Variants in IQCE observed in about 807,000 individuals in gnomAD.
IQCE encodes the protein IQ domain-containing protein E.
IQCE carries 115 observed loss-of-function variants against 96.0 expected under a neutral mutation model. The observed-to-expected ratio is 1.20, with a 90% confidence interval of 1.03 to 1.40. IQCE has a LOEUF of 1.40. Among genes scored for constraint, IQCE ranks in the 40% most tolerant of loss-of-function variants. The pLI, the probability that IQCE is intolerant of heterozygous loss-of-function variation, is 0.00. For synonymous variants in IQCE, 412 were observed against 371.2 expected, an observed-to-expected ratio of 1.11 and a Z score of -1.26; for missense variants, 1,041 against 909.1, an observed-to-expected ratio of 1.15 and a Z score of -1.87.
At chr7:2,608,975 A>G (rs1455844652) in intron 21 of IQCE, among the ~76,000 whole-genome samples, 1 of 152,226 alleles carries the variant, frequency 6.6e-6, no homozygotes, top group Non-Finnish European at 1.5e-5. Context: ...GGCATGGCCG[A>G]ATTGCCATTT....
intron 8 of IQCE, among the ~76,000 whole-genome samples, chr7:2,579,766 C>T (rs2128446753): frequency 1.4e-5 from 2 of 148,140 alleles, no homozygotes; most frequent in East Asian, 2.0e-4. Flanking sequence ...TTTCTTGAGA[C>T]AGGGACTCAC....
At chr7:2,579,604 C>T (rs754832360) in intron 8 of IQCE, among the ~76,000 whole-genome samples, 55 of 152,124 alleles carry the variant, frequency 3.6e-4, no homozygotes, top group Non-Finnish European at 5.6e-4. Flanking sequence ...AAGCCTAGCT[C>T]GGCACCTAGG....
At chr7:2,604,369 C>G (rs1784642670) in intron 18 of IQCE, among the ~76,000 whole-genome samples, 1 of 152,140 alleles carries the variant, frequency 6.6e-6, no homozygotes, top group Admixed American at 6.6e-5. Flanking sequence ...CCTCAGCCTC[C>G]CAAAGTGCTG....
intron 16 of IQCE, chr7:2,598,150 T>G (rs1784185522): frequency 3.6e-6 from 1 of 275,404 alleles, no homozygotes; most frequent in East Asian, 6.1e-5. Context: ...TGTGACTGAG[T>G]GTAGTGAGTG....
chr7:2,571,868 T>C (rs1562627269), intron 4 of IQCE, among the ~76,000 whole-genome samples: 1 of 152,224 alleles, frequency 6.6e-6, no homozygotes, highest in Non-Finnish European at 1.5e-5. Context: ...TCCCGTGTGG[T>C]CTCTACATGG....
At chr7:2,585,955 C>T (rs181941641) in intron 11 of IQCE, among the ~76,000 whole-genome samples, 1 of 152,328 alleles carries the variant, frequency 6.6e-6, no homozygotes, top group East Asian at 1.9e-4. Flanking sequence ...AAGTATAATA[C>T]TGATGGTTGA....
Position 2,612,766 on chromosome 7 carries a change from G to T in IQCE, c.*2604G>T, listed in dbSNP as rs531085405. 1 of 152,858 alleles carries T rather than the reference G, an allele frequency of 6.5e-6. No homozygotes were observed. Among genetic ancestry groups the T allele is most frequent in the East Asian group, 1.9e-4 (1 of 5,130 alleles). 9.5% of individuals were successfully genotyped at this position (152,858 alleles called of 1,614,324 possible). ...CATGGGAGGGGTGAGCTGTGGATGG[G>T]GCCTAGCCATGGGAGGGGTGAGCTG... On this transcript the variant is annotated 3_prime_UTR_variant, in exon 22 of 22. Coordinates refer to ENST00000402050, the MANE Select transcript of IQCE (RefSeq NM_152558.5).
chr7:2,591,378 C>T (rs1327994088), intron 14 of IQCE, among the ~76,000 whole-genome samples: 2 of 152,202 alleles, frequency 1.3e-5, no homozygotes, highest in Admixed American at 1.3e-4. Context: ...CCCGGCCTGG[C>T]TCCTGTCCTC....
chr7:2,572,151 G>A, intron 4 of IQCE, 41 bp from the exon 5 acceptor site: 1 of 1,581,272 alleles, frequency 6.3e-7, no homozygotes. Flanking sequence ...CATTGTGTGT[G>A]CTTGTATCTG....
At chr7:2,589,666 C>T (rs57246440) in intron 13 of IQCE, among the ~76,000 whole-genome samples, 73 of 152,256 alleles carry the variant, frequency 4.8e-4, no homozygotes, top group African/African-American at 1.5e-3. Context: ...CTTCTGCCTG[C>T]GCCCTGGCTT....
intron 2 of IQCE, among the ~76,000 whole-genome samples, chr7:2,568,661 C>T (rs189574850): frequency 2.6e-5 from 4 of 152,294 alleles, no homozygotes; most frequent in East Asian, 1.9e-4. Flanking sequence ...GGGGGCAGAT[C>T]CGCCATTTGT....
At chr7:2,560,587 T>C (rs900859099) in intron 1 of IQCE, among the ~76,000 whole-genome samples, 2 of 152,240 alleles carry the variant, frequency 1.3e-5, no homozygotes, top group Admixed American at 6.5e-5. Context: ...TGCTTCTTCA[T>C]CTTTAAGAAC....
chr7:2,567,077 GGTGCCGTCGAGTTACAGT>G, intron 1 of IQCE, 21 bp from the exon 2 acceptor site: 1 of 1,583,242 alleles, frequency 6.3e-7, no homozygotes, highest in Middle Eastern at 1.7e-4. Context: ...AAGCCCAGCA[GGTGCCGTCGAGTTACAGT>G]GTTTGCCTCT....
chr7:2,563,986 G>T (rs1047840858), intron 1 of IQCE, among the ~76,000 whole-genome samples: 15 of 151,802 alleles, frequency 9.9e-5, no homozygotes, highest in African/African-American at 3.4e-4. Context: ...GAGGTGGGCG[G>T]ATCATGAGGT....
intron 18 of IQCE, among the ~76,000 whole-genome samples, chr7:2,604,589 T>C (rs1190665308): frequency 6.6e-6 from 1 of 152,168 alleles, no homozygotes; most frequent in Non-Finnish European, 1.5e-5. Context: ...TACCAGCTCC[T>C]ATTAGCCGCT....
intron 18 of IQCE, 95 bp from the exon 19 acceptor site, chr7:2,604,786 T>A (rs1784669140): frequency 3.7e-6 from 3 of 804,448 alleles, no homozygotes; most frequent in Non-Finnish European, 6.3e-6. Flanking sequence ...CGTTCCCTGC[T>A]GCCGTGGCAG....
chr7:2,561,478 T>C (rs1780952029), intron 1 of IQCE, among the ~76,000 whole-genome samples: 1 of 151,428 alleles, frequency 6.6e-6, no homozygotes, highest in Non-Finnish European at 1.5e-5. Context: ...TGGAGTGCAG[T>C]GGCGCGATCT....
chr7:2,601,333 G>T, intron 17 of IQCE, 108 bp from the exon 18 acceptor site: 1 of 758,546 alleles, frequency 1.3e-6, no homozygotes, highest in South Asian at 1.6e-5. Flanking sequence ...GGGCAGCCAG[G>T]CCTCTTGTTG....
chr7:2,589,016 A>G (rs1459538369), intron 13 of IQCE, among the ~76,000 whole-genome samples: 2 of 152,148 alleles, frequency 1.3e-5, no homozygotes, highest in African/African-American at 4.8e-5. Context: ...TGTTTGGCCA[A>G]GCAAAATAAA....
Sources: gnomAD v4.1 joint callset for allele counts (sites outside exome capture counted in the v4.1 genomes callset) on GRCh38, gnomAD v4.1.1 for gene constraint, MANE v1.5 for transcripts, NCBI Gene and HGNC (gene_info 2026-07-23, HGNC 2026-07-21) for gene names.